Variants in MROH2A observed in about 807,000 individuals in gnomAD.
MROH2A encodes the protein maestro heat like repeat family member 2A, also known as maestro heat-like repeat-containing protein family member 2A.
Under a neutral mutation model 200.4 loss-of-function variants are expected in MROH2A, and 174 were observed. That is an observed-to-expected ratio of 0.87 (90% CI 0.77 to 0.98). The LOEUF is 0.98. Ranked by LOEUF, MROH2A falls within the 50% of genes least tolerant of loss-of-function variation. MROH2A has a pLI of 0.00. For missense variants in MROH2A, 2,045 were observed against 2,139.6 expected (o/e 0.96, Z 0.87); for synonymous variants, 829 against 840.4 (o/e 0.99, Z 0.23).
chr2:233,827,196 A>G (rs192672155), intron 35 of MROH2A, among the ~76,000 whole-genome samples: 1 of 152,318 alleles, frequency 6.6e-6, no homozygotes, highest in East Asian at 1.9e-4. Context: ...CAAAAATACC[A>G]TCTGACCCAG....
At position 233,789,565 on chromosome 2, in the gene MROH2A, G is replaced by A. The variant is rs1701592058; in HGVS notation, c.345G>A (p.Leu115=). 2.0e-6 allele frequency: 3 copies of A among 1,496,362 alleles called. No individual in the cohort carries two copies. The highest frequency in any genetic ancestry group is 1.4e-5 in the South Asian group (1 of 73,582). The allele number at this position is 1,496,362 out of a possible 1,614,324, so 92.7% of individuals were successfully genotyped here. A position where few individuals can be genotyped will look rare whatever the true frequency, so the allele number is the denominator to read the frequency against. The change falls in exon 4 of 42, where the codon CTG becomes CTA. Residue 115 remains leucine (L), a synonymous_variant. Transcript: ENST00000389758. ...LQDIIQQEGE[L]EEQCVQRLVA... ...ACATCATCCAGCAGGAGGGGGAGCT[G>A]GAGGAGCAGTGCGTGCAGAGGCTGG... is the stretch of plus-strand genomic sequence containing the variant.
chr2:233,799,679 C>T (rs1702333215), intron 12 of MROH2A, 101 bp from the exon 13 acceptor site: 3 of 1,454,176 alleles, frequency 2.1e-6, no homozygotes, highest in Non-Finnish European at 1.9e-6. Flanking sequence ...GAGGCCCCTT[C>T]TAGCCCAGAG....
chr2:233,784,762 A>G (rs1019406868), intron 3 of MROH2A, among the ~76,000 whole-genome samples: 1 of 152,242 alleles, frequency 6.6e-6, no homozygotes, highest in African/African-American at 2.4e-5. Flanking sequence ...TGTGGTCTGC[A>G]GAACCATGAA....
rs34670649 is a variant in MROH2A, at chr2:233,778,472, C to G, written c.-24C>G. On this transcript the variant is annotated 5_prime_UTR_variant, in exon 1 of 42. Transcript: ENST00000389758. ...TATCTGTTTAATCCAGAAGAAGACC[C>G]TAAGGAAAGGTCAGTATTTAGGTCC... 99 of 169,338 alleles carry G rather than the reference C, an allele frequency of 5.8e-4. No individual in the cohort carries two copies. Among genetic ancestry groups the G allele is most frequent in the African/African-American group, 2.2e-3 (92 of 41,608 alleles). The allele number at this position is 169,338 out of a possible 1,614,324, so 10.5% of individuals were successfully genotyped here.
At chr2:233,810,670 C>T (rs2126145510) in intron 22 of MROH2A, 124 bp from the exon 23 acceptor site, 1 of 1,266,464 alleles carries the variant, frequency 7.9e-7, no homozygotes, top group East Asian at 2.7e-5. Flanking sequence ...GGCCATCTCT[C>T]AGAGCATTCA....
At position 233,809,176 on chromosome 2, in the gene MROH2A, G is replaced by A; in HGVS notation, c.2346G>A (p.Met782Ile). 1 of 1,550,576 alleles carries A rather than the reference G, an allele frequency of 6.4e-7. No individual in the cohort carries two copies. Among genetic ancestry groups the A allele is most frequent in the Non-Finnish European group, 8.7e-7 (1 of 1,146,974 alleles). ...RETVKSALMV[M>I]YSCVASYCHP... The stretch of plus-strand genomic sequence containing the variant: ...CAGTGAAAAGTGCCCTCATGGTGAT[G>A]TATAGCTGCGTGGCCTCCTACTGCC... Residue 782 changes from methionine to isoleucine, a missense_variant, in exon 22 of 42, where the codon ATG (methionine) becomes ATA (isoleucine). Coordinates refer to ENST00000389758, the MANE Select transcript of MROH2A (RefSeq NM_001394639.1).
rs754790231 is a variant in MROH2A at position 233,832,294 on chromosome 2, G to A, written c.4837+15G>A. On this transcript the variant is annotated intron_variant, in intron 40 of 41. Coordinates refer to ENST00000389758, the MANE Select transcript of MROH2A (RefSeq NM_001394639.1). ...CAACTTGGCAGGTGAGCAGAGAGAC[G>A]TCTCCTGACTCAAGATAGACTTTGA... is the stretch of plus-strand genomic sequence containing the variant. 2.6e-4 allele frequency: 406 copies of A among 1,547,214 alleles called. 2 individuals carry two copies. Among genetic ancestry groups the A allele is most frequent in the Non-Finnish European group, 2.7e-4 (306 of 1,144,430 alleles).
intron 5 of MROH2A, among the ~76,000 whole-genome samples, chr2:233,792,562 C>T (rs1701852054): frequency 6.6e-6 from 1 of 152,176 alleles, no homozygotes; most frequent in Non-Finnish European, 1.5e-5. Flanking sequence ...ATCCGCCCAC[C>T]TTGGCCTCCC....
In MROH2A at chr2:233,814,659, G is replaced by A; in HGVS notation, c.2838G>A (p.Gly946=). 1.3e-6 allele frequency: 2 copies of A among 1,550,342 alleles called. No homozygotes were observed. Among genetic ancestry groups the A allele is most frequent in the Non-Finnish European group, 1.7e-6 (2 of 1,146,856 alleles). ...SLLQRQLDPK[G]LQEMVQLLEK... is the part of the protein sequence containing the mutation. ...TGCAGAGGCAGCTGGACCCCAAGGG[G>A]CTGCAGGAGATGGTGCAGGTGAGTT... Residue 946 remains glycine (G), a synonymous_variant, in exon 26 of 42, where the codon GGG becomes GGA. Coordinates refer to ENST00000389758, the MANE Select transcript of MROH2A (RefSeq NM_001394639.1).
intron 41 of MROH2A, 148 bp downstream of exon 41, chr2:233,832,792 C>T (rs1047001469): frequency 1.4e-5 from 9 of 638,998 alleles, no homozygotes; most frequent in Non-Finnish European, 5.4e-6. Context: ...GAGAGATGCA[C>T]CTGGGGAGGC....
intron 7 of MROH2A, 31 bp from the exon 8 acceptor site, chr2:233,794,332 A>T (rs1307707726): frequency 6.7e-7 from 1 of 1,500,640 alleles, no homozygotes; most frequent in East Asian, 2.5e-5. Context: ...GTGGTGAGAC[A>T]ATGCGTCCCA....
At chr2:233,819,652 C>T (rs777575442) in intron 30 of MROH2A, among the ~76,000 whole-genome samples, 183 bp downstream of exon 30, 2 of 152,214 alleles carry the variant, frequency 1.3e-5, no homozygotes, top group African/African-American at 2.4e-5. Context: ...AAGGTAGCCT[C>T]GTTAGTTAAG....
At chr2:233,793,975 C>T (rs554811894) in intron 7 of MROH2A, among the ~76,000 whole-genome samples, 151 bp downstream of exon 7, 3 of 152,240 alleles carry the variant, frequency 2.0e-5, no homozygotes, top group African/African-American at 7.2e-5. Context: ...AGCCGGGGAA[C>T]TCATGGATGC....
intron 39 of MROH2A, 30 bp downstream of exon 39, chr2:233,831,570 T>C: frequency 6.5e-7 from 1 of 1,543,306 alleles, no homozygotes; most frequent in East Asian, 2.5e-5. Flanking sequence ...AACCAGCCCG[T>C]CCCAGGTGGC....
upstream of MROH2A, among the ~76,000 whole-genome samples, chr2:233,776,111 A>G (rs1700697516): frequency 2.0e-5 from 3 of 152,218 alleles, no homozygotes; most frequent in Non-Finnish European, 4.4e-5. Flanking sequence ...TCATAGCAGT[A>G]TGAAAATGGA....
chr2:233,779,930 G>T, intron 3 of MROH2A, 78 bp downstream of exon 3: 1 of 1,192,948 alleles, frequency 8.4e-7, no homozygotes, highest in South Asian at 1.5e-5. Flanking sequence ...CATAGTTACT[G>T]ACTATCAGAG....
Position 233,822,914 on chromosome 2 carries a change from G to A in MROH2A, c.3900G>A (p.Lys1300=). ...VTIKSMQLLF[K]RVKSQHLAHT... ...TCAAGTCCATGCAGCTCTTGTTCAA[G>A]AGAGTCAAGAGCCAGCACCTGGCAC... Residue 1300 remains lysine (K), a synonymous_variant, in exon 34 of 42, where the codon AAG becomes AAA. Coordinates refer to ENST00000389758, the MANE Select transcript of MROH2A (RefSeq NM_001394639.1). The A allele has an allele frequency of 6.4e-7, 1 of 1,550,624 alleles. No homozygotes were observed. The highest frequency in any genetic ancestry group is 8.7e-7 in the Non-Finnish European group (1 of 1,146,994).
At chr2:233,805,722 A>C (rs149563315) in intron 19 of MROH2A, among the ~76,000 whole-genome samples, 4 of 152,224 alleles carry the variant, frequency 2.6e-5, no homozygotes, top group Non-Finnish European at 5.9e-5. Context: ...TGGCATAAGG[A>C]TAGATTGATA....
In MROH2A at chr2:233,807,379, G is replaced by C. The variant is rs752779500; in HGVS notation, c.2053-44G>C. 16 of 1,523,362 alleles carry C rather than the reference G, an allele frequency of 1.1e-5. No individual in the cohort carries two copies. The African/African-American group carries it at 1.8e-4, about 17-fold the overall frequency. 94.4% of individuals were successfully genotyped at this position (1,523,362 alleles called of 1,614,324 possible). A position where few individuals can be genotyped will look rare whatever the true frequency, so the allele number is the denominator to read the frequency against. ...CTACAACAGCACCCCCTGAAGGCTG[G>C]CTGTAGGGAGGCCTGAGCTCCTTCC... On this transcript the variant is annotated intron_variant, in intron 19 of 41. Transcript: ENST00000389758. This position sits in a 1 kb window ranked among gnomAD's most constrained non-coding sequence, Gnocchi z 4.3.
Sources: allele counts gnomAD v4.1 joint callset (sites outside exome capture counted in the v4.1 genomes callset), GRCh38; gene constraint gnomAD v4.1.1; non-coding constraint Gnocchi (gnomAD v3.1); transcripts MANE v1.5; gene names NCBI Gene and HGNC (gene_info 2026-07-23, HGNC 2026-07-21).